The following CPA1 variants were observed in gnomAD, a reference collection of about 807,000 sequenced individuals.
CPA1 encodes carboxypeptidase A1, also known as carboxypeptidase A1 (pancreatic).
A neutral mutation model predicts 48.7 loss-of-function variants in CPA1; 42 were observed. The observed-to-expected ratio is 0.86, with a 90% CI of 0.67 to 1.11. The LOEUF is 1.11. Ranked by LOEUF, CPA1 falls within the 50% of genes most tolerant of loss-of-function variation. The pLI, the probability that CPA1 is intolerant of heterozygous loss-of-function variation, is 0.00. For synonymous variants in CPA1, 203 were observed against 217.9 expected, an observed-to-expected ratio of 0.93 and a Z score of 0.60; for missense variants, 477 against 544.7, an observed-to-expected ratio of 0.88 and a Z score of 1.24.
In CPA1 at chr7:130,383,399, G is replaced by C. The variant is rs369058363; in HGVS notation, c.492G>C (p.Thr164=). 6.2e-7 allele frequency: 1 copy of C among 1,613,698 alleles called. No individual in the cohort carries two copies. Among genetic ancestry groups the C allele is most frequent in the Admixed American group, 1.7e-5 (1 of 60,008 alleles). ...CCCTGCCTCCTCTCCAGTTCAGCACGGGGGGCAGTAAGCGTCCAGCCATCT... is the reference window on the plus strand; with the variant it reads ...CCCTGCCTCCTCTCCAGTTCAGCACCGGGGGCAGTAAGCGTCCAGCCATCT... ...GRPIYVLKFS[T]GGSKRPAIWI... is the part of the protein sequence containing the mutation. Residue 164 remains threonine, a synonymous_variant, in exon 5 of 10, where the codon ACG becomes ACC. Coordinates refer to ENST00000011292, the MANE Select transcript of CPA1 (RefSeq NM_001868.4).
chr7:130,380,655 G>GAGAC, intron 1 of CPA1, 70 bp downstream of exon 1: 1 of 880,688 alleles, frequency 1.1e-6, no homozygotes, highest in Non-Finnish European at 1.6e-6. Flanking sequence ...ACCAGTAGAG[G>GAGAC]AGACAGACAG....
At position 130,381,736 on chromosome 7, in the gene CPA1, G is replaced by T; in HGVS notation, c.254G>T (p.Ser85Ile). The T allele has an allele frequency of 6.2e-7, 1 of 1,614,186 alleles. No homozygotes were observed. The highest frequency in any genetic ancestry group is 2.2e-5 in the East Asian group (1 of 44,874). Reference protein sequence around the residue: ...VKIFLESHGISYETMIEDVQS... With the variant: ...VKIFLESHGIIYETMIEDVQS... ...ATCTTTCTGGAGTCCCACGGCATCA[G>T]CTATGAGACCATGATCGAGGACGTG... Residue 85 changes from serine (S) to isoleucine (I), a missense_variant, in exon 3 of 10, where the codon AGC becomes ATC. Ser to Ile is a moderately radical substitution (Grantham distance 142). Transcript: ENST00000011292.
chr7:130,386,375 A>C (rs375681494), intron 9 of CPA1, among the ~76,000 whole-genome samples: 30 of 152,076 alleles, frequency 2.0e-4, no homozygotes, highest in South Asian at 6.2e-4. Context: ...TATTAAAAAT[A>C]CAAAAAATTA....
In CPA1 at chr7:130,381,920, T is replaced by C. The variant is rs7779201; in HGVS notation, c.381+57T>C. ...GCCACCAGCTCTTCATCATGGCTGG[T>C]AGAACGCGGTAGGGCCAAGGCCAGG... On this transcript the variant is annotated intron_variant, in intron 3 of 9. Transcript: ENST00000011292. The C allele has an allele frequency of 0.014, 21,191 of 1,508,080 alleles. 1,757 individuals are homozygous for C. In the African/African-American group the frequency reaches 0.21, roughly 15 times the overall value. 93.4% of individuals were successfully genotyped at this position (1,508,080 alleles called of 1,614,324 possible).
intron 5 of CPA1, 84 bp from the exon 6 acceptor site, chr7:130,383,600 G>A: frequency 7.1e-7 from 1 of 1,417,564 alleles, no homozygotes; most frequent in Non-Finnish European, 9.9e-7. Context: ...GACCACAGAG[G>A]ACATGGGGAA....
At chr7:130,383,301 C>A in intron 4 of CPA1, 90 bp from the exon 5 acceptor site, 2 of 965,550 alleles carry the variant, frequency 2.1e-6, no homozygotes, top group South Asian at 1.4e-5. Context: ...AGCAGGTGGT[C>A]TCTGGCCCAG....
At chr7:130,384,873 C>G in intron 7 of CPA1, 1 of 606,074 alleles carries the variant, frequency 1.6e-6, no homozygotes, top group Non-Finnish European at 2.9e-6. Flanking sequence ...TCTAGCTTAA[C>G]CTCAAGTCCT....
Position 130,381,772 on chromosome 7 carries a change from T to C in CPA1, c.290T>C (p.Leu97Pro), listed in dbSNP as rs934401285. The C allele has an allele frequency of 6.2e-7, 1 of 1,614,192 alleles. No individual in the cohort carries two copies. Among genetic ancestry groups the C allele is most frequent in the Non-Finnish European group, 8.5e-7 (1 of 1,180,024 alleles). ...ATGATCGAGGACGTGCAGTCGCTGCTGGACGAGGAGCAGGAGCAGATGTTC... is the reference window on the plus strand; with the variant it reads ...ATGATCGAGGACGTGCAGTCGCTGCCGGACGAGGAGCAGGAGCAGATGTTC... Reference protein sequence around the residue: ...ETMIEDVQSLLDEEQEQMFAF... With the variant: ...ETMIEDVQSLPDEEQEQMFAF... The change falls in exon 3 of 10, where the codon CTG becomes CCG. Residue 97 changes from leucine to proline, a missense_variant. Transcript: ENST00000011292.
At chr7:130,381,511 C>A in intron 2 of CPA1, 119 bp from the exon 3 acceptor site, 1 of 717,350 alleles carries the variant, frequency 1.4e-6, no homozygotes, top group Non-Finnish European at 2.4e-6. Flanking sequence ...CTGACCTATC[C>A]CCAATTATAT....
At position 130,385,723 on chromosome 7, in the gene CPA1, G is replaced by A. The variant is rs111728119; in HGVS notation, c.988-116G>A. On this transcript the variant is annotated intron_variant, in intron 8 of 9. Coordinates refer to ENST00000011292, the MANE Select transcript of CPA1 (RefSeq NM_001868.4). ...AGCAGGCTCTGTGCTCCCTGCTGGA[G>A]GCCCACTTCTGCAGGGTGCTTCTCC... The A allele has an allele frequency of 6.0e-4, 451 of 748,252 alleles. 2 individuals are homozygous for A. The African/African-American group carries it at 7.4e-3, about 12-fold the overall frequency. The allele number at this position is 748,252 out of a possible 1,614,324, so 46.4% of individuals were successfully genotyped here.
rs201257089 is a variant in CPA1, at chr7:130,383,664, C to G, written c.586-20C>G. 2.5e-6 allele frequency: 4 copies of G among 1,591,540 alleles called. No homozygotes were observed. Among genetic ancestry groups the G allele is most frequent in the Admixed American group, 1.7e-5 (1 of 59,992 alleles). ...GCCTGGCCCAGCCTGCGCTGCCCCT[C>G]TGCTCCTCTAACCCCCCAGATCACT... On this transcript the variant is annotated intron_variant, in intron 5 of 9. Transcript: ENST00000011292.
chr7:130,384,977 TG>T, intron 7 of CPA1, 168 bp from the exon 8 acceptor site: 1 of 679,290 alleles, frequency 1.5e-6, no homozygotes, highest in Non-Finnish European at 2.5e-6. Flanking sequence ...CAAACCAGGC[TG>T]GGAGGGCAGT....
intron 7 of CPA1, 159 bp downstream of exon 7, chr7:130,384,785 G>A (rs1554411765): frequency 4.6e-6 from 3 of 655,296 alleles, no homozygotes; most frequent in East Asian, 5.4e-5. Flanking sequence ...GCTGTGCTCT[G>A]AGAGTTGGTT....
At chr7:130,383,628 G>A (rs1796434784) in intron 5 of CPA1, 56 bp from the exon 6 acceptor site, 1 of 1,476,054 alleles carries the variant, frequency 6.8e-7, no homozygotes, top group African/African-American at 1.4e-5. Context: ...CATTGCTGTG[G>A]CTTGGCAGAT....
Position 130,380,540 on chromosome 7 carries a change from TGA to T in CPA1, c.22_23del (p.Ser8CysfsTer25), listed in dbSNP as rs781868173. Reference sequence around the variant, plus strand: ...AGCAGCATGCGGGGGTTGCTGGTGTTGAGTGTCCTGTTGGGGGCTGTCTTTGG... The same window carrying T: ...AGCAGCATGCGGGGGTTGCTGGTGTTGTGTCCTGTTGGGGGCTGTCTTTGG... On this transcript the variant is annotated frameshift_variant, in exon 1 of 10. Transcript: ENST00000011292. LOFTEE classifies it high-confidence loss of function. 2 of 1,316,510 alleles carry T rather than the reference TGA, an allele frequency of 1.5e-6. No homozygotes were observed. The highest frequency in any genetic ancestry group is 6.3e-5 in the South Asian group (2 of 31,838). 81.6% of individuals were successfully genotyped at this position (1,316,510 alleles called of 1,614,324 possible). A position where few individuals can be genotyped will look rare whatever the true frequency, so the allele number is the denominator to read the frequency against.
At position 130,384,601 on chromosome 7, in the gene CPA1, C is replaced by G; in HGVS notation, c.762C>G (p.Asn254Lys). Residue 254 changes from asparagine to lysine, a missense_variant, in exon 7 of 10, where the codon AAC (asparagine) becomes AAG (lysine). Physicochemically the swap from Asn to Lys is moderately conservative, Grantham distance 94. Coordinates refer to ENST00000011292, the MANE Select transcript of CPA1 (RefSeq NM_001868.4). ...CCCTCTGTATTGGCGTGGACCCCAA[C>G]AGGAACTGGGACGCTGGCTTTGGGT... is the stretch of plus-strand genomic sequence containing the variant. ...AGSLCIGVDP[N>K]RNWDAGFGLS... 1 of 1,614,208 alleles carries G rather than the reference C, an allele frequency of 6.2e-7. No individual in the cohort carries two copies. Among genetic ancestry groups the G allele is most frequent in the Non-Finnish European group, 8.5e-7 (1 of 1,180,026 alleles).
intron 8 of CPA1, 22 bp downstream of exon 8, chr7:130,385,367 C>T: frequency 3.1e-6 from 5 of 1,610,930 alleles, no homozygotes; most frequent in Non-Finnish European, 4.2e-6. Flanking sequence ...CCTCGGCTTG[C>T]CCCCTCGTCC....
Position 130,383,595 on chromosome 7 carries a change from C to T in CPA1, c.586-89C>T, listed in dbSNP as rs868964345. On this transcript the variant is annotated intron_variant, in intron 5 of 9. Transcript: ENST00000011292. ...TTTGCCCATCCAGAAGCAGTGACCA[C>T]AGAGGACATGGGGAAAGGTGTCCAT... 229 of 1,417,898 alleles carry T rather than the reference C, an allele frequency of 1.6e-4. 1 individual carries two copies. The Middle Eastern group carries it at 3.0e-3, about 19-fold the overall frequency. 87.8% of individuals were successfully genotyped at this position (1,417,898 alleles called of 1,614,324 possible). A position where few individuals can be genotyped will look rare whatever the true frequency, so the allele number is the denominator to read the frequency against.
In CPA1 at chr7:130,387,136, C is replaced by T. The variant is rs1338083766; in HGVS notation, c.1073-688C>T. ...GTAGAAGGCTGAGGGGGCAGGGCTG[C>T]GTACACACCTCACACGCTTCCTGCC... On this transcript the variant is annotated intron_variant, in intron 9 of 9. Coordinates refer to ENST00000011292, the MANE Select transcript of CPA1 (RefSeq NM_001868.4). The surrounding 1 kb of genome is among the most constrained non-coding windows in gnomAD (Gnocchi z 4.6). 6.6e-6 allele frequency among the ~76,000 whole-genome samples: 1 copy of T among 152,132 alleles called. No homozygotes were observed. Among genetic ancestry groups the T allele is most frequent in the East Asian group, 1.9e-4 (1 of 5,192 alleles).
Sources: gnomAD v4.1 joint callset for allele counts (sites outside exome capture counted in the v4.1 genomes callset) on GRCh38, gnomAD v4.1.1 for gene constraint, Gnocchi (gnomAD v3.1) non-coding constraint, MANE v1.5 for transcripts, NCBI Gene and HGNC (gene_info 2026-07-23, HGNC 2026-07-21) for gene names.